PCDHGB2: variants seen among roughly 807,000 people sequenced by gnomAD.
The protein encoded by PCDHGB2 is protocadherin gamma subfamily B, 2.
In PCDHGB2, 55 loss-of-function variants were observed where a neutral mutation model predicts 59.3. The ratio of observed to expected loss-of-function variants is 0.93; its 90% CI spans 0.75 to 1.16. The LOEUF is 1.16. PCDHGB2 is among the 50% of genes most tolerant of loss of function. PCDHGB2 has a pLI of 0.00. For synonymous variants in PCDHGB2, 516 were observed against 512.0 expected, an observed-to-expected ratio of 1.01 and a Z score of -0.11; for missense variants, 1,228 against 1,198.5, an observed-to-expected ratio of 1.02 and a Z score of -0.36.
At position 141,361,157 on chromosome 5, in the gene PCDHGB2, A is replaced by C; in HGVS notation, c.1022A>C (p.Asn341Thr). 6.2e-7 allele frequency: 1 copy of C among 1,613,974 alleles called. No individual in the cohort carries two copies. The highest frequency in any genetic ancestry group is 1.3e-5 in the African/African-American group (1 of 75,052). ...ATCCAAGTTGAAATTCTTGATGACA[A>C]CGATTGTGCACCTGAAGTTATTGTG... The part of the protein sequence containing the change: ...CSIQVEILDD[N>T]DCAPEVIVTS... The change falls in exon 1 of 4, where the codon AAC becomes ACC. Residue 341 changes from asparagine to threonine, a missense_variant. This residue lies in a region of PCDHGB2 where 781 missense variants were observed against 721.6 expected (regional missense o/e 1.08). Coordinates refer to ENST00000522605, the MANE Select transcript of PCDHGB2 (RefSeq NM_018923.3).
In PCDHGB2 at chr5:141,490,692, G is replaced by C. The variant is rs751109998; in HGVS notation, c.2422-4115G>C. 16 of 1,614,154 alleles carry C rather than the reference G, an allele frequency of 9.9e-6. 1 individual carries two copies. The Middle Eastern group carries it at 6.6e-4, about 67-fold the overall frequency. ...TGGCTGCCTCAGATCCAGACACTGG[G>C]GATAATGCCCGCCTCACCTACTCCA... On this transcript the variant is annotated intron_variant, in intron 1 of 3. Transcript: ENST00000522605. This position sits in a 1 kb window ranked among gnomAD's most constrained non-coding sequence, Gnocchi z 5.4.
chr5:141,428,320 T>C (rs2097132935), intron 1 of PCDHGB2: 2 of 650,176 alleles, frequency 3.1e-6, no homozygotes, highest in Admixed American at 2.2e-5. Context: ...GGCCTTGGCC[T>C]TGATTTCTAT....
At chr5:141,366,346 G>A in intron 1 of PCDHGB2, 1 of 1,613,932 alleles carries the variant, frequency 6.2e-7, no homozygotes, top group South Asian at 1.1e-5. Context: ...CTGACATCCT[G>A]GCTGACCTAG....
chr5:141,469,830 A>G (rs184478661), intron 1 of PCDHGB2, among the ~76,000 whole-genome samples: 1 of 152,124 alleles, frequency 6.6e-6, no homozygotes, highest in African/African-American at 2.4e-5. Flanking sequence ...GGTCACATAA[A>G]ACTTATTCTT....
intron 1 of PCDHGB2, chr5:141,389,407 A>C: frequency 6.2e-7 from 1 of 1,613,616 alleles, no homozygotes; most frequent in Non-Finnish European, 8.5e-7. Flanking sequence ...ATAAGCGCGG[A>C]GAGCGGGGTG....
Position 141,510,982 on chromosome 5 carries a change from G to A in PCDHGB2, c.2605G>A (p.Ala869Thr). The A allele has an allele frequency of 3.1e-6, 5 of 1,614,166 alleles. No homozygotes were observed. Among genetic ancestry groups the A allele is most frequent in the Non-Finnish European group, 3.4e-6 (4 of 1,180,018 alleles). Reference protein sequence around the residue: ...ADGSSTLGGGAGTMGLSARYG... With the variant: ...ADGSSTLGGGTGTMGLSARYG... Reference sequence around the variant, plus strand: ...TGGGAGCTCCACCCTGGGAGGGGGTGCCGGCACCATGGGATTGAGCGCCCG... The same window carrying A: ...TGGGAGCTCCACCCTGGGAGGGGGTACCGGCACCATGGGATTGAGCGCCCG... The change falls in exon 4 of 4, where the codon GCC (alanine) becomes ACC (threonine). Residue 869 changes from alanine to threonine, a missense_variant. Around this residue, in one of 3 missense-constraint regions of PCDHGB2, gnomAD observed 433 missense variants for 441.8 expected, o/e 0.98. Coordinates refer to ENST00000522605, the MANE Select transcript of PCDHGB2 (RefSeq NM_018923.3).
At chr5:141,399,393 CAG>C (rs1335804490) in intron 1 of PCDHGB2, 1 of 1,613,976 alleles carries the variant, frequency 6.2e-7, no homozygotes, top group Non-Finnish European at 8.5e-7. Flanking sequence ...CAGCCACAGA[CAG>C]GGGCAAGCCG....
intron 1 of PCDHGB2, chr5:141,478,247 G>A (rs1377698933): frequency 1.2e-6 from 2 of 1,614,074 alleles, no homozygotes; most frequent in Admixed American, 3.3e-5. Context: ...CACAGTGTTC[G>A]GAGTAATCAT....
At chr5:141,488,991 T>G in intron 1 of PCDHGB2, 1 of 414,332 alleles carries the variant, frequency 2.4e-6, no homozygotes, top group Non-Finnish European at 4.3e-6. Flanking sequence ...AGAGCTGAGG[T>G]GGGAGATCTG....
intron 2 of PCDHGB2, among the ~76,000 whole-genome samples, chr5:141,497,076 C>T (rs1052240279): frequency 5.9e-5 from 9 of 151,826 alleles, no homozygotes; most frequent in Non-Finnish European, 8.8e-5. Context: ...GTAATCCCAG[C>T]GACTTAGGAG....
rs758216080 is a variant in PCDHGB2, at chr5:141,398,809, C to A, written c.2421+36253C>A. 1.3e-5 allele frequency: 21 copies of A among 1,613,854 alleles called. No individual in the cohort carries two copies. In the South Asian group the frequency reaches 2.1e-4, roughly 16 times the overall value. On this transcript the variant is annotated intron_variant, in intron 1 of 3. Coordinates refer to ENST00000522605, the MANE Select transcript of PCDHGB2 (RefSeq NM_018923.3). ...TCCACCCCTAAGCGGCACCACTGAG[C>A]TCCGGATCCAGGTAACCGACGCCAA...
At chr5:141,405,032 G>A (rs747720731) in intron 1 of PCDHGB2, 25 of 1,613,806 alleles carry the variant, frequency 1.5e-5, no homozygotes, top group African/African-American at 6.7e-5. Context: ...CCTCTACCTC[G>A]TTGTGGCTGT....
Position 141,431,168 on chromosome 5 carries a change from G to A in PCDHGB2, c.2422-63639G>A, listed in dbSNP as rs779778442. On this transcript the variant is annotated intron_variant, in intron 1 of 3. Coordinates refer to ENST00000522605, the MANE Select transcript of PCDHGB2 (RefSeq NM_018923.3). This position sits in a 1 kb window ranked among gnomAD's most constrained non-coding sequence, Gnocchi z 4.8. Reference sequence around the variant, plus strand: ...CAATGCGCCTTACTTTCGTGAAAGTGAATTAGAAATAAAAATTAGTGAAAA... The same window carrying A: ...CAATGCGCCTTACTTTCGTGAAAGTAAATTAGAAATAAAAATTAGTGAAAA... The A allele has an allele frequency of 9.9e-6, 16 of 1,614,206 alleles. No individual in the cohort carries two copies. The Admixed American group carries it at 1.2e-4, about 12-fold the overall frequency.
Position 141,477,161 on chromosome 5 carries a change from G to A in PCDHGB2, c.2422-17646G>A, listed in dbSNP as rs761453939. On this transcript the variant is annotated intron_variant, in intron 1 of 3. Transcript: ENST00000522605. The surrounding 1 kb of genome is among the most constrained non-coding windows in gnomAD (Gnocchi z 4.9). ...GGAGGTTGTGGATGTGAATGACAAC[G>A]CCCCGGAGATCACAGTCACCTCCGT... 1.9e-6 allele frequency: 3 copies of A among 1,613,988 alleles called. No individual in the cohort carries two copies. The highest frequency in any genetic ancestry group is 2.7e-5 in the African/African-American group (2 of 74,904).
chr5:141,489,729 C>T lies in PCDHGB2; in HGVS notation c.2422-5078C>T, dbSNP rs760195181. ...ACAGTGCCCAGGATCCGGATGTGGGCACCAATACTGTGAGCTTTTACACTC... is the reference window on the plus strand; with the variant it reads ...ACAGTGCCCAGGATCCGGATGTGGGTACCAATACTGTGAGCTTTTACACTC... On this transcript the variant is annotated intron_variant, in intron 1 of 3. Transcript: ENST00000522605. The surrounding 1 kb of genome is among the most constrained non-coding windows in gnomAD (Gnocchi z 4.5). 2.5e-6 allele frequency: 4 copies of T among 1,614,152 alleles called. No individual in the cohort carries two copies. The highest frequency in any genetic ancestry group is 2.2e-5 in the East Asian group (1 of 44,876).
At chr5:141,366,512 G>A (rs1764605826) in intron 1 of PCDHGB2, 1 of 1,614,288 alleles carries the variant, frequency 6.2e-7, no homozygotes, top group Non-Finnish European at 8.5e-7. Context: ...GCTTCAGGCT[G>A]AAGGCAGCAG....
intron 1 of PCDHGB2, chr5:141,405,106 C>G: frequency 6.2e-7 from 1 of 1,613,964 alleles, no homozygotes; most frequent in Non-Finnish European, 8.5e-7. Flanking sequence ...GGCTGAGGCA[C>G]TGGCACTCCT....
intron 1 of PCDHGB2, among the ~76,000 whole-genome samples, chr5:141,451,403 G>A (rs2154563571): frequency 6.6e-6 from 1 of 152,288 alleles, no homozygotes; most frequent in South Asian, 2.1e-4. Context: ...GCAAAATTAA[G>A]TTCCTTGTGG....
chr5:141,454,010 G>A (rs998092071), intron 1 of PCDHGB2, among the ~76,000 whole-genome samples: 2 of 152,146 alleles, frequency 1.3e-5, no homozygotes, highest in African/African-American at 4.8e-5. Context: ...TAACATTTTA[G>A]AAAAATGTAT....
Sources: gnomAD v4.1 joint callset for allele counts (sites outside exome capture counted in the v4.1 genomes callset) on GRCh38, gnomAD v4.1.1 for gene constraint, gnomAD v4.1.1 regional missense constraint, Gnocchi (gnomAD v3.1) non-coding constraint, MANE v1.5 for transcripts, NCBI Gene and HGNC (gene_info 2026-07-23, HGNC 2026-07-21) for gene names.